Variants in RBFOX3 observed in about 807,000 individuals in gnomAD.
RBFOX3 encodes the protein RNA binding fox-1 homolog 3.
In RBFOX3, 17 loss-of-function variants were observed where a neutral mutation model predicts 48.7. The ratio of observed to expected loss-of-function variants is 0.35; its 90% confidence interval spans 0.24 to 0.52. The LOEUF (loss-of-function observed/expected upper bound fraction) is 0.52, where lower values mean the gene tolerates loss of function less well. RBFOX3 is among the 20% of genes least tolerant of loss of function. The pLI, the probability that RBFOX3 is intolerant of heterozygous loss-of-function variation, is 0.94. For synonymous variants in RBFOX3, 212 were observed against 209.5 expected (o/e 1.01, Z -0.10); for missense variants, 382 against 497.5 (o/e 0.77, Z 2.21).
intron 1 of RBFOX3, among the ~76,000 whole-genome samples, chr17:79,526,152 C>T (rs2086765009): frequency 6.6e-6 from 1 of 152,206 alleles, no homozygotes; most frequent in Non-Finnish European, 1.5e-5. Context: ...AGTCACAATC[C>T]CTCAGGGAGA....
intron 2 of RBFOX3, among the ~76,000 whole-genome samples, chr17:79,439,068 G>A (rs2070229695): frequency 6.6e-6 from 1 of 152,228 alleles, no homozygotes; most frequent in African/African-American, 2.4e-5. Flanking sequence ...AGGATGACGA[G>A]GTAGAAAGTC....
chr17:79,231,721 T>G lies in RBFOX3; in HGVS notation c.-34+4045A>C, dbSNP rs529952810. Among the ~76,000 whole-genome samples, 33 of 152,308 alleles carry G rather than the reference T, an allele frequency of 2.2e-4. No homozygotes were observed. In the East Asian group the frequency reaches 6.0e-3, roughly 28 times the overall value. On this transcript the variant is annotated intron_variant, in intron 4 of 14. Coordinates refer to ENST00000693108, the MANE Select transcript of RBFOX3 (RefSeq NM_001350451.2). ...CATTAAAATATGAATGACATTGGCATAAATCTAAGAAAAGATGTTCAATAT... is the reference window on the plus strand; with the variant it reads ...CATTAAAATATGAATGACATTGGCAGAAATCTAAGAAAAGATGTTCAATAT...
At chr17:79,470,164 G>A (rs1161255647) in intron 2 of RBFOX3, among the ~76,000 whole-genome samples, 6 of 152,130 alleles carry the variant, frequency 3.9e-5, no homozygotes, top group South Asian at 2.1e-4. Context: ...AGGGCCCTGC[G>A]AATGTTGGAG....
At chr17:79,269,101 G>C (rs1378581733) in intron 3 of RBFOX3, among the ~76,000 whole-genome samples, 1 of 150,586 alleles carries the variant, frequency 6.6e-6, no homozygotes, top group East Asian at 2.0e-4. Flanking sequence ...TTCTGAGAAG[G>C]GGAGATGCGG....
intron 2 of RBFOX3, among the ~76,000 whole-genome samples, chr17:79,464,520 G>A (rs74477055): frequency 0.047 from 7,098 of 152,268 alleles, 524 homozygotes; most frequent in African/African-American, 0.16. Flanking sequence ...AGATTCCCCC[G>A]CAGACATCTG....
intron 2 of RBFOX3, among the ~76,000 whole-genome samples, chr17:79,327,593 T>TA: frequency 6.6e-6 from 1 of 152,254 alleles, no homozygotes; most frequent in Non-Finnish European, 1.5e-5. Context: ...ATTTATGTTT[T>TA]AAAAAACTAC....
intron 9 of RBFOX3, 158 bp from the exon 10 acceptor site, chr17:79,097,903 G>T (rs1245639641): frequency 2.8e-6 from 2 of 703,368 alleles, no homozygotes; most frequent in African/African-American, 1.8e-5. Context: ...GCCCGGACAA[G>T]TGCTGAGTTC....
chr17:79,246,866 G>T (rs1357247724), intron 3 of RBFOX3, among the ~76,000 whole-genome samples: 1 of 152,150 alleles, frequency 6.6e-6, no homozygotes, highest in African/African-American at 2.4e-5. Flanking sequence ...ATGGGATGGG[G>T]GTGGGGGGAG....
At chr17:79,094,110 G>A (rs1440298224) in intron 14 of RBFOX3, 1 of 383,194 alleles carries the variant, frequency 2.6e-6, no homozygotes, top group African/African-American at 2.1e-5. Context: ...CCCTGGTTTG[G>A]TTTCTGAGGT....
intron 1 of RBFOX3, chr17:79,599,122 C>T (rs895367469): frequency 4.6e-5 from 7 of 152,258 alleles, no homozygotes; most frequent in Non-Finnish European, 1.0e-4. Flanking sequence ...CCCAAATATT[C>T]ATCCCAAGAC....
intron 1 of RBFOX3, among the ~76,000 whole-genome samples, chr17:79,571,038 A>G (rs2092659542): frequency 6.6e-6 from 1 of 152,196 alleles, no homozygotes; most frequent in Non-Finnish European, 1.5e-5. Flanking sequence ...GCTGCAATGA[A>G]GTTAATCTAT....
intron 1 of RBFOX3, among the ~76,000 whole-genome samples, chr17:79,573,396 G>A (rs1029473246): frequency 9.8e-5 from 15 of 152,304 alleles, no homozygotes; most frequent in African/African-American, 2.6e-4. Flanking sequence ...GTCCCCAGCC[G>A]TGCTTTGAGG....
chr17:79,112,119 C>G (rs2031882053), intron 5 of RBFOX3, among the ~76,000 whole-genome samples: 1 of 152,318 alleles, frequency 6.6e-6, no homozygotes, highest in South Asian at 2.1e-4. Flanking sequence ...AGGTGTCCTG[C>G]TCAGAGGGGA....
At chr17:79,377,766 T>C (rs780086854) in intron 2 of RBFOX3, among the ~76,000 whole-genome samples, 4 of 152,024 alleles carry the variant, frequency 2.6e-5, no homozygotes, top group Non-Finnish European at 1.5e-5. Context: ...AGCCCACGGC[T>C]TTCTAGGTGT....
At position 79,222,148 on chromosome 17, in the gene RBFOX3, T is replaced by C. The variant is rs114561011; in HGVS notation, c.-34+13618A>G. 1.7e-3 allele frequency among the ~76,000 whole-genome samples: 189 copies of C among 113,234 alleles called. 1 individual carries two copies. The highest frequency in any genetic ancestry group is 0.011 in the African/African-American group (179 of 16,026). The allele number at this position is 113,234 out of a possible 152,430, so 74.3% of individuals were successfully genotyped here. A position where few individuals can be genotyped will look rare whatever the true frequency, so the allele number is the denominator to read the frequency against. ...TTCTACCCGCAGCCTGATTTCTACC[T>C]GCTGCCTGATTTCTACCTGCAGCCT... On this transcript the variant is annotated intron_variant, in intron 4 of 14. Transcript: ENST00000693108.
intron 14 of RBFOX3, among the ~76,000 whole-genome samples, chr17:79,093,428 C>T (rs780947505): frequency 3.3e-5 from 5 of 152,022 alleles, no homozygotes; most frequent in African/African-American, 4.8e-5. Context: ...TGCAGCTGCA[C>T]GGAGGGCCCA....
intron 2 of RBFOX3, among the ~76,000 whole-genome samples, chr17:79,387,514 C>T: frequency 6.6e-6 from 1 of 152,242 alleles, no homozygotes; most frequent in South Asian, 2.1e-4. Context: ...GTCCCACCGT[C>T]TTCACTGGAA....
chr17:79,251,767 G>A (rs2063994745), intron 3 of RBFOX3, among the ~76,000 whole-genome samples: 1 of 152,198 alleles, frequency 6.6e-6, no homozygotes, highest in African/African-American at 2.4e-5. Flanking sequence ...CACAGGCTCA[G>A]GGAAGGTTCA....
intron 2 of RBFOX3, among the ~76,000 whole-genome samples, chr17:79,324,196 G>A (rs2078970631): frequency 6.6e-6 from 1 of 152,182 alleles, no homozygotes; most frequent in Non-Finnish European, 1.5e-5. Context: ...GGAGTCACTT[G>A]CCAGCCTGCA....
Sources: gnomAD v4.1 joint callset for allele counts (sites outside exome capture counted in the v4.1 genomes callset) on GRCh38, gnomAD v4.1.1 for gene constraint, MANE v1.5 for transcripts, NCBI Gene and HGNC (gene_info 2026-07-23, HGNC 2026-07-21) for gene names.